TRAPPC12: variants seen among roughly 807,000 people sequenced by gnomAD.
TRAPPC12 encodes the protein TPR repeat protein 15.
TRAPPC12 carries 61 observed loss-of-function variants against 69.2 expected under a neutral mutation model. The observed-to-expected ratio is 0.88, with a 90% CI of 0.72 to 1.09. TRAPPC12 has a LOEUF of 1.09. Among genes scored for constraint, TRAPPC12 ranks in the 50% least tolerant of loss-of-function variants. The pLI is 0.00. For missense variants in TRAPPC12, 1,101 were observed against 1,016.4 expected, an observed-to-expected ratio of 1.08 and a Z score of -1.13; for synonymous variants, 469 against 438.9, an observed-to-expected ratio of 1.07 and a Z score of -0.86.
intron 1 of TRAPPC12, 88 bp downstream of exon 1, chr2:3,379,964 C>G (rs1660126905): frequency 2.0e-5 from 3 of 152,608 alleles, no homozygotes; most frequent in African/African-American, 7.2e-5. Flanking sequence ...GGCCTCAGCC[C>G]GGAGGGACCT....
Position 3,396,164 on chromosome 2 carries a change from C to G in TRAPPC12, c.1048-5613C>G, listed in dbSNP as rs139192920. On this transcript the variant is annotated intron_variant, in intron 2 of 11. Coordinates refer to ENST00000324266, the MANE Select transcript of TRAPPC12 (RefSeq NM_016030.6). ...ACAGGCATGAGCCACCATGCCCAGC[C>G]TCATCTTCGTTATTAAAGTTTATTT... is the stretch of plus-strand genomic sequence containing the variant. 1.4e-4 allele frequency among the ~76,000 whole-genome samples: 22 copies of G among 152,278 alleles called. No individual in the cohort carries two copies. The East Asian group carries it at 3.9e-3, about 27-fold the overall frequency.
Position 3,457,038 on chromosome 2 carries a change from G to A in TRAPPC12, c.1531-583G>A, listed in dbSNP as rs117546354. ...TGTCGCCCCACGCCATAGGGACTTG[G>A]TGATGTTTACAGTGTGTCCCTGTGG... On this transcript the variant is annotated intron_variant, in intron 6 of 11. Coordinates refer to ENST00000324266, the MANE Select transcript of TRAPPC12 (RefSeq NM_016030.6). The A allele has an allele frequency of 9.6e-5, 44 of 458,654 alleles. No homozygotes were observed. In the East Asian group the frequency reaches 2.8e-3, roughly 29 times the overall value. 28.4% of individuals were successfully genotyped at this position (458,654 alleles called of 1,614,324 possible).
At position 3,414,267 on chromosome 2, in the gene TRAPPC12, A is replaced by G. The variant is rs1185075680; in HGVS notation, c.1165-7614A>G. 1.3e-5 allele frequency among the ~76,000 whole-genome samples: 2 copies of G among 152,162 alleles called. No homozygotes were observed. Among genetic ancestry groups the G allele is most frequent in the Non-Finnish European group, 2.9e-5 (2 of 68,040 alleles). The stretch of plus-strand genomic sequence containing the variant: ...TCATTCAGTTTGGGAAATGTGACCC[A>G]CTTGGCAGCCAGTACCCATCGTAAC... On this transcript the variant is annotated intron_variant, in intron 3 of 11. Coordinates refer to ENST00000324266, the MANE Select transcript of TRAPPC12 (RefSeq NM_016030.6). The surrounding 1 kb of genome is among the most constrained non-coding windows in gnomAD (Gnocchi z 4.9).
At chr2:3,395,597 C>G (rs1362110616) in intron 2 of TRAPPC12, among the ~76,000 whole-genome samples, 1 of 135,520 alleles carries the variant, frequency 7.4e-6, no homozygotes, top group African/African-American at 2.8e-5. Flanking sequence ...GAATCTTGCT[C>G]TGTCGCCCAG....
At chr2:3,423,421 A>G (rs1181122660) in intron 4 of TRAPPC12, among the ~76,000 whole-genome samples, 7 of 152,050 alleles carry the variant, frequency 4.6e-5, no homozygotes, top group Admixed American at 2.6e-4. Flanking sequence ...CCACGTCTAC[A>G]ATAGATCTCT....
At chr2:3,477,379 A>C (rs1306024990) in intron 9 of TRAPPC12, among the ~76,000 whole-genome samples, 1 of 152,222 alleles carries the variant, frequency 6.6e-6, no homozygotes, top group Non-Finnish European at 1.5e-5. Flanking sequence ...GTTTCATCTT[A>C]TTAGTTATTC....
chr2:3,409,750 TAA>T (rs71396989), intron 3 of TRAPPC12, among the ~76,000 whole-genome samples: 1,650 of 54,764 alleles, frequency 0.03, 68 homozygotes, highest in African/African-American at 0.096. Flanking sequence ...ACTTTGTCTT[TAA>T]AAAAAAAAAA....
chr2:3,399,905 C>A (rs1661341247), intron 2 of TRAPPC12, among the ~76,000 whole-genome samples: 1 of 151,370 alleles, frequency 6.6e-6, no homozygotes, highest in East Asian at 1.9e-4. Flanking sequence ...GGCACGCAGG[C>A]TTCTCTGCAC....
At chr2:3,404,233 T>G (rs1434378232) in intron 3 of TRAPPC12, among the ~76,000 whole-genome samples, 1 of 152,172 alleles carries the variant, frequency 6.6e-6, no homozygotes, top group East Asian at 1.9e-4. Flanking sequence ...CATCGTGCCC[T>G]GGGTTCCTGG....
At chr2:3,433,290 G>A (rs891757149) in intron 5 of TRAPPC12, among the ~76,000 whole-genome samples, 5 of 152,192 alleles carry the variant, frequency 3.3e-5, no homozygotes, top group East Asian at 1.9e-4. Flanking sequence ...AAGCACTCGC[G>A]TAACTTGAAA....
chr2:3,442,466 C>T (rs576868945), intron 5 of TRAPPC12, among the ~76,000 whole-genome samples: 9 of 152,236 alleles, frequency 5.9e-5, no homozygotes, highest in African/African-American at 2.2e-4. Flanking sequence ...TGTCATTATG[C>T]GGATGGTCTA....
chr2:3,403,196 C>T (rs1257002828), intron 3 of TRAPPC12, among the ~76,000 whole-genome samples: 1 of 150,442 alleles, frequency 6.6e-6, no homozygotes, highest in East Asian at 1.9e-4. Flanking sequence ...TCAATTGTTA[C>T]TAATTCTTCT....
In TRAPPC12 at chr2:3,459,314, G is replaced by A. The variant is rs184296016; in HGVS notation, c.1604-949G>A. The stretch of plus-strand genomic sequence containing the variant: ...TAGACACAGCACAGGCGCAAGGAGC[G>A]CTGGACAAGGGGTCAGATGGAAGCG... On this transcript the variant is annotated intron_variant, in intron 7 of 11. Coordinates refer to ENST00000324266, the MANE Select transcript of TRAPPC12 (RefSeq NM_016030.6). Among the ~76,000 whole-genome samples, 56 of 152,366 alleles carry A rather than the reference G, an allele frequency of 3.7e-4. 1 individual carries two copies. Among genetic ancestry groups the A allele is most frequent in the Non-Finnish European group, 6.3e-4 (43 of 68,036 alleles).
chr2:3,418,489 G>A (rs995443132), intron 3 of TRAPPC12, among the ~76,000 whole-genome samples: 1 of 152,188 alleles, frequency 6.6e-6, no homozygotes, highest in African/African-American at 2.4e-5. Context: ...CTAGACCTGG[G>A]ATCCGCCAGC....
At chr2:3,407,926 G>A (rs925246845) in intron 3 of TRAPPC12, among the ~76,000 whole-genome samples, 3 of 152,052 alleles carry the variant, frequency 2.0e-5, no homozygotes, top group African/African-American at 7.2e-5. Flanking sequence ...AATAGCAGAC[G>A]GCATGCGATC....
At chr2:3,453,619 G>A (rs1236397079) in intron 6 of TRAPPC12, among the ~76,000 whole-genome samples, 2 of 152,148 alleles carry the variant, frequency 1.3e-5, no homozygotes, top group Admixed American at 6.5e-5. Context: ...CGGGTGTGGC[G>A]TGCTGGGCCT....
intron 6 of TRAPPC12, among the ~76,000 whole-genome samples, chr2:3,453,599 C>T (rs1664968647): frequency 6.6e-6 from 1 of 152,320 alleles, no homozygotes; most frequent in South Asian, 2.1e-4. Context: ...GAGCCTCTTC[C>T]CAAACGAACC....
At chr2:3,466,266 G>A in intron 9 of TRAPPC12, 1 of 471,204 alleles carries the variant, frequency 2.1e-6, no homozygotes, top group Non-Finnish European at 4.4e-6. Flanking sequence ...GGAGCACAGG[G>A]CAGCTTCTGC....
intron 1 of TRAPPC12, among the ~76,000 whole-genome samples, chr2:3,386,297 G>C (rs1660488134): frequency 6.6e-6 from 1 of 152,154 alleles, no homozygotes; most frequent in Admixed American, 6.5e-5. Context: ...TCCTTAACTT[G>C]AATTTGTTCA....
Sources: allele counts gnomAD v4.1 joint callset (sites outside exome capture counted in the v4.1 genomes callset), GRCh38; gene constraint gnomAD v4.1.1; non-coding constraint Gnocchi (gnomAD v3.1); transcripts MANE v1.5; gene names NCBI Gene and HGNC (gene_info 2026-07-23, HGNC 2026-07-21).